Variants in CDH12 observed in about 807,000 individuals in gnomAD.
The protein encoded by CDH12 is cadherin 12.
In CDH12, 41 loss-of-function variants were observed where a neutral mutation model predicts 74.1. The observed-to-expected ratio is 0.55, with a 90% CI of 0.43 to 0.72. The LOEUF is 0.72. CDH12 is among the 30% of genes least tolerant of loss of function. The probability of loss-of-function intolerance (pLI) is 0.00; values close to 1 mark genes in which losing one functional copy is unlikely to be tolerated. For missense variants in CDH12, 945 were observed against 977.2 expected (o/e 0.97, Z 0.44); for synonymous variants, 399 against 355.0 (o/e 1.12, Z -1.39).
intron 1 of CDH12, among the ~76,000 whole-genome samples, chr5:22,750,710 T>C (rs1028964491): frequency 6.6e-6 from 1 of 152,026 alleles, no homozygotes; most frequent in African/African-American, 2.4e-5. Context: ...AATGGAGAAT[T>C]CAGTTTGGAA....
intron 1 of CDH12, among the ~76,000 whole-genome samples, chr5:22,667,365 G>A (rs1005531083): frequency 6.6e-6 from 1 of 152,156 alleles, no homozygotes; most frequent in African/African-American, 2.4e-5. Context: ...ACCCCAGTGA[G>A]TGTCCAGCTC....
At chr5:22,489,535 T>C (rs1410437596) in intron 2 of CDH12, among the ~76,000 whole-genome samples, 3 of 152,092 alleles carry the variant, frequency 2.0e-5, no homozygotes, top group Non-Finnish European at 4.4e-5. Flanking sequence ...AATTTTGGTA[T>C]TGAAGATATA....
chr5:22,523,072 G>A (rs1034411285), intron 1 of CDH12, among the ~76,000 whole-genome samples: 1 of 152,044 alleles, frequency 6.6e-6, no homozygotes, highest in South Asian at 2.1e-4. Flanking sequence ...CCTCCTGGTT[G>A]GCCTTAGCAC....
chr5:22,035,545 G>A (rs112726762), intron 5 of CDH12, among the ~76,000 whole-genome samples: 7 of 151,900 alleles, frequency 4.6e-5, no homozygotes, highest in African/African-American at 1.7e-4. Flanking sequence ...AAATATAATA[G>A]GTTGAAAATG....
chr5:22,682,443 A>G (rs999126777), intron 1 of CDH12, among the ~76,000 whole-genome samples: 9 of 152,120 alleles, frequency 5.9e-5, no homozygotes, highest in Admixed American at 1.3e-4. Flanking sequence ...GCCAAAGGGT[A>G]GACAGGATAC....
intron 1 of CDH12, among the ~76,000 whole-genome samples, chr5:22,834,229 C>CT (rs1228996647): frequency 6.6e-6 from 1 of 152,016 alleles, no homozygotes; most frequent in African/African-American, 2.4e-5. Context: ...GTCAAATGGC[C>CT]TTTTTTCATG....
chr5:22,550,358 C>A (rs1245004552), intron 1 of CDH12, among the ~76,000 whole-genome samples: 1 of 152,138 alleles, frequency 6.6e-6, no homozygotes, highest in Non-Finnish European at 1.5e-5. Flanking sequence ...ATCTGATTGT[C>A]TAACAAGCAG....
intron 1 of CDH12, among the ~76,000 whole-genome samples, chr5:22,574,300 G>T (rs947018383): frequency 6.6e-6 from 1 of 151,642 alleles, no homozygotes; most frequent in Admixed American, 6.6e-5. Flanking sequence ...GGCTTGTCTC[G>T]AACTCCTGAC....
chr5:22,000,301 T>G (rs1328675603), intron 5 of CDH12, among the ~76,000 whole-genome samples: 1 of 152,036 alleles, frequency 6.6e-6, no homozygotes, highest in Admixed American at 6.6e-5. Context: ...TTTGGTTATT[T>G]GTTTTTATCT....
At chr5:22,840,420 T>C (rs964326325) in intron 1 of CDH12, among the ~76,000 whole-genome samples, 1 of 152,016 alleles carries the variant, frequency 6.6e-6, no homozygotes, top group East Asian at 1.9e-4. Flanking sequence ...AATGCATGCA[T>C]ACTCATGCTA....
At chr5:22,802,076 G>T in intron 1 of CDH12, among the ~76,000 whole-genome samples, 1 of 147,076 alleles carries the variant, frequency 6.8e-6, no homozygotes, top group Admixed American at 6.8e-5. Context: ...TGCTCTCTTT[G>T]TCTATGTCTA....
At chr5:21,908,828 A>G (rs1219821545) in intron 6 of CDH12, among the ~76,000 whole-genome samples, 1 of 152,188 alleles carries the variant, frequency 6.6e-6, no homozygotes, top group Admixed American at 6.5e-5. Context: ...TTTTGGAATC[A>G]GATTTTGGTG....
intron 3 of CDH12, among the ~76,000 whole-genome samples, chr5:22,361,931 A>C (rs1740822619): frequency 6.6e-6 from 1 of 152,208 alleles, no homozygotes; most frequent in Non-Finnish European, 1.5e-5. Context: ...AAATTAATTC[A>C]AGATGGATTA....
chr5:22,250,222 G>A (rs1317076558), intron 3 of CDH12, among the ~76,000 whole-genome samples: 4 of 151,880 alleles, frequency 2.6e-5, no homozygotes, highest in African/African-American at 9.7e-5. Context: ...TGCTGTGCAA[G>A]GAAAAAAACC....
intron 4 of CDH12, among the ~76,000 whole-genome samples, chr5:22,103,191 G>T (rs1744247890): frequency 6.6e-6 from 1 of 152,132 alleles, no homozygotes; most frequent in African/African-American, 2.4e-5. Flanking sequence ...AATGTATCTG[G>T]TCTCATGGAA....
intron 6 of CDH12, among the ~76,000 whole-genome samples, chr5:21,870,548 G>A (rs1261699625): frequency 6.6e-6 from 1 of 152,064 alleles, no homozygotes; most frequent in Non-Finnish European, 1.5e-5. Flanking sequence ...TGTCAGCCAA[G>A]TAGATTTCTG....
chr5:22,535,764 A>C (rs1737817686), intron 1 of CDH12, among the ~76,000 whole-genome samples: 1 of 152,206 alleles, frequency 6.6e-6, no homozygotes, highest in Admixed American at 6.5e-5. Context: ...TCCTTACTAA[A>C]TCCTCAACAG....
intron 2 of CDH12, among the ~76,000 whole-genome samples, chr5:22,462,372 A>G (rs1013082204): frequency 2.0e-5 from 3 of 152,176 alleles, no homozygotes; most frequent in Non-Finnish European, 4.4e-5. Context: ...ATGCTGGGAT[A>G]TAAGGCTAGA....
chr5:22,442,811 G>A (rs1414297718), intron 2 of CDH12, among the ~76,000 whole-genome samples: 1 of 152,116 alleles, frequency 6.6e-6, no homozygotes, highest in Non-Finnish European at 1.5e-5. Flanking sequence ...AGAAATCAAC[G>A]TTCCATCCAA....
Sources: gnomAD v4.1 joint callset for allele counts (sites outside exome capture counted in the v4.1 genomes callset) on GRCh38, gnomAD v4.1.1 for gene constraint, MANE v1.5 for transcripts, NCBI Gene and HGNC (gene_info 2026-07-23, HGNC 2026-07-21) for gene names.